LNX1: variants seen among roughly 807,000 people sequenced by gnomAD.
LNX1 encodes ligand of numb-protein X 1.
LNX1 carries 54 observed loss-of-function variants against 68.4 expected under a neutral mutation model. The observed-to-expected ratio is 0.79, with a 90% confidence interval of 0.63 to 0.99. LNX1 has a LOEUF of 0.99. Ranked by LOEUF, LNX1 falls within the 50% of genes least tolerant of loss-of-function variation. The pLI, the probability that LNX1 is intolerant of heterozygous loss-of-function variation, is 0.00. For synonymous variants in LNX1, 336 were observed against 350.0 expected, an observed-to-expected ratio of 0.96 and a Z score of 0.45; for missense variants, 906 against 926.4, an observed-to-expected ratio of 0.98 and a Z score of 0.29.
At chr4:53,547,457 A>G (rs541106850) in intron 2 of LNX1, among the ~76,000 whole-genome samples, 4 of 152,308 alleles carry the variant, frequency 2.6e-5, no homozygotes, top group African/African-American at 7.2e-5. Context: ...AGGAGACTAT[A>G]TAGGAACTGG....
chr4:53,525,641 T>A (rs898781429), intron 2 of LNX1, among the ~76,000 whole-genome samples: 1 of 152,240 alleles, frequency 6.6e-6, no homozygotes, highest in African/African-American at 2.4e-5. Context: ...AAAACATTAA[T>A]TGCAAAAACC....
intron 2 of LNX1, among the ~76,000 whole-genome samples, chr4:53,531,676 G>C (rs973752372): frequency 2.0e-5 from 3 of 152,222 alleles, no homozygotes; most frequent in African/African-American, 4.8e-5. Context: ...CGTGTAAACT[G>C]TGAACAGGAT....
chr4:53,463,707 A>C (rs1332472919), intron 9 of LNX1, among the ~76,000 whole-genome samples: 1 of 152,146 alleles, frequency 6.6e-6, no homozygotes, highest in Non-Finnish European at 1.5e-5. Flanking sequence ...AATTATGGTT[A>C]CCTCAAGAAC....
chr4:53,525,183 TTAAC>T (rs1166643260), intron 2 of LNX1, among the ~76,000 whole-genome samples: 2 of 152,010 alleles, frequency 1.3e-5, no homozygotes, highest in African/African-American at 4.8e-5. Flanking sequence ...TTAAAAAAAA[TTAAC>T]TAAAAGCTCT....
intron 2 of LNX1, among the ~76,000 whole-genome samples, chr4:53,519,583 C>T (rs1305899617): frequency 6.6e-6 from 1 of 151,776 alleles, no homozygotes; most frequent in Non-Finnish European, 1.5e-5. Context: ...GCTGACAAAA[C>T]ATTAAAGCAA....
At chr4:53,542,081 A>C (rs1319316957) in intron 2 of LNX1, among the ~76,000 whole-genome samples, 1 of 152,230 alleles carries the variant, frequency 6.6e-6, no homozygotes, top group Non-Finnish European at 1.5e-5. Context: ...GGGGGATGTC[A>C]GAAGACTGGA....
intron 4 of LNX1, among the ~76,000 whole-genome samples, chr4:53,501,311 G>GGGGGATA (rs1553932778): frequency 1.8e-5 from 1 of 55,696 alleles, no homozygotes; most frequent in Non-Finnish European, 3.6e-5. Flanking sequence ...GGGGTGGGGG[G>GGGGGATA]ACAGGATCTC....
chr4:53,565,747 T>C (rs1225494763), intron 2 of LNX1, among the ~76,000 whole-genome samples: 103 of 149,006 alleles, frequency 6.9e-4, no homozygotes, highest in Non-Finnish European at 1.3e-3. Context: ...TTGAAAACTT[T>C]GAAAAAAATT....
chr4:53,575,987 T>C lies in LNX1; in HGVS notation c.-86-1899A>G. On this transcript the variant is annotated intron_variant, in intron 1 of 10. Coordinates refer to ENST00000263925, the MANE Select transcript of LNX1 (RefSeq NM_001126328.3). ...GCCCTACTGGCAGGCATGCACACGC[T>C]GCTCCAGCAGGCCCTCCATCTTCCC... 2.6e-6 allele frequency: 4 copies of C among 1,561,206 alleles called. No homozygotes were observed. In the Middle Eastern group the frequency reaches 7.6e-4, roughly 296 times the overall value.
chr4:53,502,681 C>T (rs746462216), intron 4 of LNX1, among the ~76,000 whole-genome samples: 1 of 152,172 alleles, frequency 6.6e-6, no homozygotes, highest in African/African-American at 2.4e-5. Flanking sequence ...CTGTAGAATG[C>T]AATGCTGTTT....
chr4:53,463,126 T>C (rs1473750065), intron 9 of LNX1, among the ~76,000 whole-genome samples: 2 of 152,176 alleles, frequency 1.3e-5, no homozygotes, highest in African/African-American at 2.4e-5. Flanking sequence ...ATACTTTTAC[T>C]GAATATTTTA....
intron 2 of LNX1, among the ~76,000 whole-genome samples, chr4:53,533,157 A>C (rs1340025918): frequency 1.3e-5 from 2 of 152,180 alleles, no homozygotes; most frequent in African/African-American, 4.8e-5. Flanking sequence ...CCTGAGACTA[A>C]CTGAGCTTTA....
At chr4:53,586,645 A>C (rs1732189491) in intron 1 of LNX1, among the ~76,000 whole-genome samples, 4 of 152,216 alleles carry the variant, frequency 2.6e-5, no homozygotes, top group Admixed American at 1.3e-4. Context: ...CTACCATGCC[A>C]AGGAACTTGG....
At chr4:53,565,661 G>T (rs1220673181) in intron 2 of LNX1, among the ~76,000 whole-genome samples, 1 of 152,142 alleles carries the variant, frequency 6.6e-6, no homozygotes, top group Non-Finnish European at 1.5e-5. Context: ...TGACTTTGAC[G>T]AGCTGAGAGA....
intron 2 of LNX1, among the ~76,000 whole-genome samples, chr4:53,563,698 T>C: frequency 6.6e-6 from 1 of 152,074 alleles, no homozygotes; most frequent in Non-Finnish European, 1.5e-5. Context: ...CCACGCCTGG[T>C]TAATTTTTGA....
intron 1 of LNX1, among the ~76,000 whole-genome samples, chr4:53,616,782 A>C (rs1733696699): frequency 6.6e-6 from 1 of 152,246 alleles, no homozygotes; most frequent in South Asian, 2.1e-4. Context: ...CATAAAGGAA[A>C]TGGAGGCAAC....
At chr4:53,514,628 G>A (rs1726616355) in intron 2 of LNX1, among the ~76,000 whole-genome samples, 1 of 147,912 alleles carries the variant, frequency 6.8e-6, no homozygotes, top group Non-Finnish European at 1.5e-5. Flanking sequence ...TGGGAATTAG[G>A]GGAGCTACAA....
At chr4:53,550,392 C>A (rs1325025398) in intron 2 of LNX1, among the ~76,000 whole-genome samples, 2 of 152,178 alleles carry the variant, frequency 1.3e-5, no homozygotes, top group Non-Finnish European at 2.9e-5. Flanking sequence ...GGTCCTCGTC[C>A]AAATTCTACT....
intron 2 of LNX1, among the ~76,000 whole-genome samples, chr4:53,559,551 T>C (rs1282508205): frequency 6.6e-6 from 1 of 152,126 alleles, no homozygotes; most frequent in African/African-American, 2.4e-5. Flanking sequence ...AGAAAGACAA[T>C]AGTAATAGTG....
Sources: gnomAD v4.1 joint callset for allele counts (sites outside exome capture counted in the v4.1 genomes callset) on GRCh38, gnomAD v4.1.1 for gene constraint, MANE v1.5 for transcripts, NCBI Gene and HGNC (gene_info 2026-07-23, HGNC 2026-07-21) for gene names.